TSHZ3: variants seen among roughly 807,000 people sequenced by gnomAD.
The protein encoded by TSHZ3 is teashirt homolog 3.
In TSHZ3, 10 loss-of-function variants were observed where a neutral mutation model predicts 64.5. The ratio of observed to expected loss-of-function variants is 0.16; its 90% CI spans 0.10 to 0.26. The LOEUF (loss-of-function observed/expected upper bound fraction) is 0.26, where lower values mean the gene tolerates loss of function less well. Ranked by LOEUF, TSHZ3 falls within the 10% of genes least tolerant of loss-of-function variation. The pLI, the probability that TSHZ3 is intolerant of heterozygous loss-of-function variation, is 1.00. For synonymous variants in TSHZ3, 608 were observed against 593.1 expected (o/e 1.03, Z -0.36); for missense variants, 1,242 against 1,421.7 (o/e 0.87, Z 2.03).
chr19:31,304,956 T>A (rs974283037), intron 1 of TSHZ3, among the ~76,000 whole-genome samples: 1 of 152,238 alleles, frequency 6.6e-6, no homozygotes, highest in East Asian at 1.9e-4. Context: ...GACGCAGTAA[T>A]TTAATAACTG....
At position 31,300,603 on chromosome 19, in the gene TSHZ3, C is replaced by T. The variant is rs1425639502; in HGVS notation, c.41-20851G>A. Among the ~76,000 whole-genome samples the T allele has an allele frequency of 4.6e-5, 7 of 152,180 alleles. 1 individual carries two copies. The South Asian group carries it at 6.2e-4, about 14-fold the overall frequency. Reference sequence around the variant, plus strand: ...GTCCAGGCCTCTCTAACGATGCACTCGCCGCACCACCTCCTGCTCCAGGTC... The same window carrying T: ...GTCCAGGCCTCTCTAACGATGCACTTGCCGCACCACCTCCTGCTCCAGGTC... On this transcript the variant is annotated intron_variant, in intron 1 of 1. Coordinates refer to ENST00000240587, the MANE Select transcript of TSHZ3 (RefSeq NM_020856.4).
chr19:31,348,724 G>A (rs1568389671), intron 1 of TSHZ3, among the ~76,000 whole-genome samples: 1 of 152,346 alleles, frequency 6.6e-6, no homozygotes, highest in African/African-American at 2.4e-5. Context: ...TTAGTACTAA[G>A]GTGGCCGAGG....
intron 1 of TSHZ3, among the ~76,000 whole-genome samples, chr19:31,289,198 C>T (rs531903976): frequency 6.6e-5 from 10 of 152,302 alleles, no homozygotes; most frequent in Admixed American, 2.6e-4. Context: ...CTGGGAGGCA[C>T]GGCCAGGGGA....
intron 1 of TSHZ3, among the ~76,000 whole-genome samples, chr19:31,287,944 G>GT (rs964132874): frequency 2.8e-4 from 42 of 151,546 alleles, no homozygotes; most frequent in South Asian, 6.3e-4. Context: ...TTCTTTTTCT[G>GT]TTTTTTTTGA....
chr19:31,250,890 G>A lies in TSHZ3; in HGVS notation n.64-8015C>T, dbSNP rs576175163. On this transcript the variant is annotated intron_variant and non_coding_transcript_variant, in intron 1 of 6. Transcript: ENST00000651361. Reference sequence around the variant, plus strand: ...CAGTAGGCTGGGGCAGTATCTCCTCGTGGGAAGAGCAGCTGGAGTGCTCAC... The same window carrying A: ...CAGTAGGCTGGGGCAGTATCTCCTCATGGGAAGAGCAGCTGGAGTGCTCAC... Among the ~76,000 whole-genome samples, 11 of 152,282 alleles carry A rather than the reference G, an allele frequency of 7.2e-5. No homozygotes were observed. The South Asian group carries it at 1.0e-3, about 14-fold the overall frequency.
At chr19:31,325,258 G>A (rs547633318) in intron 1 of TSHZ3, among the ~76,000 whole-genome samples, 11 of 152,284 alleles carry the variant, frequency 7.2e-5, no homozygotes, top group South Asian at 2.1e-4. Context: ...GGTCGGGACC[G>A]GCCAGGGAAT....
At chr19:31,196,918 G>A (rs1975001618) in intron 5 of TSHZ3, among the ~76,000 whole-genome samples, 1 of 151,854 alleles carries the variant, frequency 6.6e-6, no homozygotes, top group African/African-American at 2.4e-5. Flanking sequence ...CAGAAAATTA[G>A]TAAGAACACA....
At chr19:31,330,703 C>CT (rs1917059683) in intron 1 of TSHZ3, among the ~76,000 whole-genome samples, 1 of 78,726 alleles carries the variant, frequency 1.3e-5, no homozygotes, top group Non-Finnish European at 2.8e-5. Flanking sequence ...CTGTTTAATC[C>CT]TTGGGCGGGG....
At chr19:31,319,944 T>C (rs1180872385) in intron 1 of TSHZ3, among the ~76,000 whole-genome samples, 1 of 151,386 alleles carries the variant, frequency 6.6e-6, no homozygotes, top group Non-Finnish European at 1.5e-5. Context: ...ACGCAGTTGA[T>C]AGAAGTGATG....
chr19:31,187,581 T>G (rs1974831938), intron 5 of TSHZ3, among the ~76,000 whole-genome samples: 1 of 152,148 alleles, frequency 6.6e-6, no homozygotes, highest in African/African-American at 2.4e-5. Flanking sequence ...GCTTTTACAC[T>G]TAGGTCTATA....
chr19:31,174,523 T>C (rs1384417701), intron 5 of TSHZ3, among the ~76,000 whole-genome samples: 1 of 152,234 alleles, frequency 6.6e-6, no homozygotes, highest in Non-Finnish European at 1.5e-5. Context: ...GGGCATCCTG[T>C]GGCCCAGATC....
chr19:31,323,461 A>C (rs572031727), intron 1 of TSHZ3, among the ~76,000 whole-genome samples: 3 of 152,380 alleles, frequency 2.0e-5, no homozygotes, highest in African/African-American at 7.2e-5. Flanking sequence ...TTTGCCATTT[A>C]AGTAGAAAGA....
chr19:31,152,934 G>A (rs1186238274), intron 6 of TSHZ3, among the ~76,000 whole-genome samples: 1 of 152,068 alleles, frequency 6.6e-6, no homozygotes, highest in Non-Finnish European at 1.5e-5. Context: ...GTATTCAGAT[G>A]GATATTTTAT....
At chr19:31,349,522 G>C, upstream of TSHZ3, 1 of 334,622 alleles carries the variant, frequency 3.0e-6, no homozygotes, top group Non-Finnish European at 5.4e-6. Context: ...GGAGGAGGAG[G>C]ACCGCGCTGC....
intron 3 of TSHZ3, among the ~76,000 whole-genome samples, chr19:31,239,114 T>G (rs982302766): frequency 6.6e-6 from 1 of 152,152 alleles, no homozygotes; most frequent in Non-Finnish European, 1.5e-5. Flanking sequence ...CTCTTCACAT[T>G]TCACACTTCC....
intron 4 of TSHZ3, among the ~76,000 whole-genome samples, chr19:31,225,292 G>A (rs1365497881): frequency 6.6e-6 from 1 of 152,130 alleles, no homozygotes; most frequent in Non-Finnish European, 1.5e-5. Context: ...AAGTCCCAGG[G>A]AATGAAAGGA....
chr19:31,156,479 G>C (rs554515599), intron 5 of TSHZ3, among the ~76,000 whole-genome samples: 3 of 152,070 alleles, frequency 2.0e-5, no homozygotes, highest in African/African-American at 7.2e-5. Context: ...AGTTTTTGTC[G>C]GTCGGGAGCA....
chr19:31,338,347 G>C (rs1250809103), intron 1 of TSHZ3, among the ~76,000 whole-genome samples: 2 of 152,202 alleles, frequency 1.3e-5, no homozygotes, highest in African/African-American at 2.4e-5. Context: ...GGCCTGGTGG[G>C]GGTCTGCTGG....
At chr19:31,167,710 A>G (rs559099521) in intron 5 of TSHZ3, 99 of 152,334 alleles carry the variant, frequency 6.5e-4, no homozygotes, top group African/African-American at 2.3e-3. Context: ...GAAATACTTC[A>G]TTGTCACTGA....
Sources: gnomAD v4.1 joint callset for allele counts (sites outside exome capture counted in the v4.1 genomes callset) on GRCh38, gnomAD v4.1.1 for gene constraint, MANE v1.5 for transcripts, NCBI Gene and HGNC (gene_info 2026-07-23, HGNC 2026-07-21) for gene names.